Variants in NEBL observed in about 807,000 individuals in gnomAD.
The protein encoded by NEBL is LIM and SH3 protein 2.
NEBL carries 122 observed loss-of-function variants against 140.2 expected under a neutral mutation model. The ratio of observed to expected loss-of-function variants is 0.87; its 90% CI spans 0.75 to 1.01. The LOEUF (loss-of-function observed/expected upper bound fraction) is 1.01. Ranked by LOEUF, NEBL falls within the 50% of genes least tolerant of loss-of-function variation. The pLI is 0.00. For missense variants in NEBL, 1,365 were observed against 1,231.3 expected, an observed-to-expected ratio of 1.11 and a Z score of -1.62; for synonymous variants, 436 against 398.9, an observed-to-expected ratio of 1.09 and a Z score of -1.11.
intron 3 of NEBL, among the ~76,000 whole-genome samples, chr10:21,201,242 T>C (rs1841730328): frequency 6.6e-6 from 1 of 152,236 alleles, no homozygotes; most frequent in Non-Finnish European, 1.5e-5. Flanking sequence ...CTTCCACTTC[T>C]TCATGAAAAT....
chr10:21,026,954 C>G (rs1159899889), intron 2 of NEBL, among the ~76,000 whole-genome samples: 2 of 152,208 alleles, frequency 1.3e-5, no homozygotes, highest in African/African-American at 4.8e-5. Flanking sequence ...CCCATGGGCA[C>G]TAAGTCTCTA....
chr10:21,139,142 A>G (rs1371131748), intron 2 of NEBL, among the ~76,000 whole-genome samples: 2 of 152,162 alleles, frequency 1.3e-5, no homozygotes, highest in Non-Finnish European at 2.9e-5. Context: ...CGGCTGGCCT[A>G]GGAATTTTTA....
intron 4 of NEBL, among the ~76,000 whole-genome samples, chr10:20,929,064 T>C (rs183151049): frequency 7.7e-4 from 117 of 152,196 alleles, no homozygotes; most frequent in Non-Finnish European, 1.4e-3. Flanking sequence ...TGGAGATCTT[T>C]GAGAAACCTC....
At chr10:21,073,944 G>T (rs930943495) in intron 2 of NEBL, among the ~76,000 whole-genome samples, 2 of 151,870 alleles carry the variant, frequency 1.3e-5, no homozygotes, top group African/African-American at 4.8e-5. Flanking sequence ...ACGTGGTGGC[G>T]GGTGCCTGTA....
At chr10:21,170,273 T>G (rs1841016331) in intron 2 of NEBL, 1 of 152,184 alleles carries the variant, frequency 6.6e-6, no homozygotes, top group Admixed American at 6.6e-5. Flanking sequence ...CCCAATCCCT[T>G]CAGGCCTACC....
chr10:21,231,816 T>G (rs1378854411), intron 3 of NEBL, among the ~76,000 whole-genome samples: 1 of 151,614 alleles, frequency 6.6e-6, no homozygotes, highest in South Asian at 2.1e-4. Flanking sequence ...AAAAATAAAA[T>G]TCTACGCCCT....
At chr10:20,831,383 A>G in intron 15 of NEBL, 77 bp from the exon 16 acceptor site, 1 of 1,494,384 alleles carries the variant, frequency 6.7e-7, no homozygotes. Flanking sequence ...TTTGAATCTC[A>G]AAGCCACCCA....
At chr10:21,112,926 G>T in intron 2 of NEBL, 1 of 381,964 alleles carries the variant, frequency 2.6e-6, no homozygotes. Flanking sequence ...AGAGGAGGAG[G>T]ATGTGAAACT....
chr10:20,955,723 G>A (rs1234347439), intron 4 of NEBL, among the ~76,000 whole-genome samples: 1 of 152,050 alleles, frequency 6.6e-6, no homozygotes, highest in Non-Finnish European at 1.5e-5. Context: ...CACCTCATCT[G>A]GTCATTGTGT....
At chr10:20,851,619 C>CAAAA (rs1342689533) in intron 10 of NEBL, among the ~76,000 whole-genome samples, 3 of 114,506 alleles carry the variant, frequency 2.6e-5, no homozygotes, top group East Asian at 2.4e-4. Flanking sequence ...ACTAAAAATA[C>CAAAA]AAAAAAAAAA....
chr10:21,157,244 C>T (rs1428980812), intron 2 of NEBL, among the ~76,000 whole-genome samples: 1 of 151,818 alleles, frequency 6.6e-6, no homozygotes, highest in Non-Finnish European at 1.5e-5. Flanking sequence ...CTTTTATAAG[C>T]TTTATTGAGG....
chr10:21,243,331 C>T (rs377754336), intron 3 of NEBL, among the ~76,000 whole-genome samples: 44 of 138,456 alleles, frequency 3.2e-4, no homozygotes, highest in Non-Finnish European at 4.3e-4. Context: ...AGTCAGGGTA[C>T]GGTTGCATGC....
At chr10:21,221,949 A>C (rs964830031) in intron 3 of NEBL, among the ~76,000 whole-genome samples, 4 of 152,068 alleles carry the variant, frequency 2.6e-5, no homozygotes, top group African/African-American at 9.7e-5. Context: ...GAGTGATGAA[A>C]GATGAGACCC....
chr10:21,034,378 G>A (rs1014702121), intron 2 of NEBL, among the ~76,000 whole-genome samples: 2 of 151,846 alleles, frequency 1.3e-5, no homozygotes, highest in Non-Finnish European at 2.9e-5. Flanking sequence ...CTAGCTTATG[G>A]GCTACCTCCT....
At chr10:20,796,987 G>A (rs955873106) in intron 26 of NEBL, among the ~76,000 whole-genome samples, 1 of 152,166 alleles carries the variant, frequency 6.6e-6, no homozygotes, top group Non-Finnish European at 1.5e-5. Context: ...GTAGCTTCCT[G>A]ATAAGAACTA....
At chr10:21,030,045 A>T (rs566944875) in intron 2 of NEBL, 1 of 479,112 alleles carries the variant, frequency 2.1e-6, no homozygotes, top group Non-Finnish European at 4.0e-6. Flanking sequence ...AAGGGAGATG[A>T]TTCTTCTGCT....
chr10:20,921,182 C>T (rs183314860), intron 4 of NEBL, among the ~76,000 whole-genome samples: 161 of 152,312 alleles, frequency 1.1e-3, no homozygotes, highest in Middle Eastern at 3.4e-3. Context: ...GAAGCCAACA[C>T]AGAGTAGTGC....
At chr10:20,814,925 T>C (rs950116794) in intron 22 of NEBL, among the ~76,000 whole-genome samples, 3 of 152,206 alleles carry the variant, frequency 2.0e-5, no homozygotes, top group African/African-American at 7.2e-5. Flanking sequence ...TTGCAAAGCC[T>C]AAATGCTGAT....
upstream of NEBL, among the ~76,000 whole-genome samples, chr10:21,176,604 C>G (rs1291811380): frequency 6.6e-6 from 1 of 152,206 alleles, no homozygotes. Flanking sequence ...AACCTGTCCT[C>G]TAGCCAGTCT....
Sources: allele counts gnomAD v4.1 joint callset (sites outside exome capture counted in the v4.1 genomes callset), GRCh38; gene constraint gnomAD v4.1.1; transcripts MANE v1.5; gene names NCBI Gene and HGNC (gene_info 2026-07-23, HGNC 2026-07-21).